Variants in MAPK10 observed in about 807,000 individuals in gnomAD.
The protein encoded by MAPK10 is JNK3 alpha protein kinase.
A neutral mutation model predicts 59.3 loss-of-function variants in MAPK10; 25 were observed. The ratio of observed to expected loss-of-function variants is 0.42; its 90% CI spans 0.31 to 0.59. The LOEUF (loss-of-function observed/expected upper bound fraction) is 0.59, where lower values mean the gene tolerates loss of function less well. MAPK10 is among the 20% of genes least tolerant of loss of function. MAPK10 has a pLI of 0.15. For missense variants in MAPK10, 351 were observed against 568.9 expected (o/e 0.62, Z 3.90); for synonymous variants, 190 against 200.5 (o/e 0.95, Z 0.44).
chr4:86,035,602 GAC>G (rs963935476), intron 11 of MAPK10, among the ~76,000 whole-genome samples: 4 of 151,766 alleles, frequency 2.6e-5, no homozygotes, highest in African/African-American at 9.7e-5. Context: ...GTGAACGAAA[GAC>G]ACAGATTCAG....
At chr4:86,425,408 T>G (rs1747140736) in intron 1 of MAPK10, among the ~76,000 whole-genome samples, 1 of 149,860 alleles carries the variant, frequency 6.7e-6, no homozygotes, top group South Asian at 2.1e-4. Flanking sequence ...ATAAAATGAC[T>G]CCAGGTAATT....
intron 1 of MAPK10, among the ~76,000 whole-genome samples, chr4:86,520,403 T>C (rs923814001): frequency 6.0e-4 from 92 of 152,318 alleles, no homozygotes; most frequent in Non-Finnish European, 2.1e-4. Flanking sequence ...TTGATTCTAT[T>C]GTTGAAATTT....
chr4:86,505,042 T>C (rs1386639432), intron 1 of MAPK10, among the ~76,000 whole-genome samples: 1 of 152,120 alleles, frequency 6.6e-6, no homozygotes, highest in African/African-American at 2.4e-5. Context: ...TTTTTCATAC[T>C]AGTCAAAGTG....
chr4:86,037,577 A>G (rs2040600321), intron 11 of MAPK10, among the ~76,000 whole-genome samples: 1 of 152,108 alleles, frequency 6.6e-6, no homozygotes, highest in African/African-American at 2.4e-5. Flanking sequence ...CATATATATA[A>G]GTAATATTCA....
At chr4:86,360,060 T>A, upstream of MAPK10, 1 of 985,818 alleles carries the variant, frequency 1.0e-6, no homozygotes, top group Non-Finnish European at 1.2e-6. Flanking sequence ...TTGTGGAACC[T>A]ACCAGAGGAG....
intron 2 of MAPK10, among the ~76,000 whole-genome samples, chr4:86,350,128 T>G (rs1730431148): frequency 6.6e-6 from 1 of 152,168 alleles, no homozygotes; most frequent in East Asian, 1.9e-4. Flanking sequence ...CTCGATTCAA[T>G]GCAACCTCTG....
rs1205578919 is a variant in MAPK10 at position 86,014,287 on chromosome 4, T to G, written c.*2941A>C. On this transcript the variant is annotated 3_prime_UTR_variant, in exon 14 of 14. Transcript: ENST00000641462. ...GTTCTTGGGAAATAACAGGTGACTA[T>G]TTAAGAAATATTTGGGGTGTGTGTG... The G allele has an allele frequency of 1.3e-5, 2 of 148,648 alleles. No homozygotes were observed. The highest frequency in any genetic ancestry group is 3.9e-4 in the East Asian group (2 of 5,084). The allele number at this position is 148,648 out of a possible 1,614,324, so 9.2% of individuals were successfully genotyped here. A position where few individuals can be genotyped will look rare whatever the true frequency, so the allele number is the denominator to read the frequency against.
intron 1 of MAPK10, among the ~76,000 whole-genome samples, chr4:86,509,867 G>A (rs1756085270): frequency 6.6e-6 from 1 of 152,086 alleles, no homozygotes; most frequent in Non-Finnish European, 1.5e-5. Context: ...ACTATCTAGT[G>A]ACTGAAATTC....
intron 4 of MAPK10, among the ~76,000 whole-genome samples, chr4:86,142,241 T>C (rs1303201481): frequency 6.6e-6 from 1 of 152,140 alleles, no homozygotes; most frequent in Non-Finnish European, 1.5e-5. Context: ...AGTACCTACC[T>C]CAGAGAGGTA....
At chr4:86,315,041 A>G (rs1175089163) in intron 2 of MAPK10, among the ~76,000 whole-genome samples, 4 of 152,194 alleles carry the variant, frequency 2.6e-5, no homozygotes, top group Non-Finnish European at 5.9e-5. Flanking sequence ...GCTATTATAC[A>G]TTACAATAGA....
intron 9 of MAPK10, among the ~76,000 whole-genome samples, chr4:86,071,715 T>C (rs2048022761): frequency 6.6e-6 from 1 of 151,450 alleles, no homozygotes; most frequent in Non-Finnish European, 1.5e-5. Flanking sequence ...TATGCGGCGT[T>C]ATTTCTGAGG....
intron 13 of MAPK10, among the ~76,000 whole-genome samples, chr4:86,021,955 G>C (rs887016011): frequency 6.6e-6 from 1 of 152,214 alleles, no homozygotes; most frequent in Non-Finnish European, 1.5e-5. Context: ...GCCCGCAAGC[G>C]CCGCACGCGG....
At chr4:86,072,168 T>A (rs2048165894) in intron 9 of MAPK10, among the ~76,000 whole-genome samples, 1 of 151,164 alleles carries the variant, frequency 6.6e-6, no homozygotes, top group South Asian at 2.1e-4. Flanking sequence ...TGAATGGGAG[T>A]TCACTCTTGA....
intron 2 of MAPK10, among the ~76,000 whole-genome samples, chr4:86,343,310 T>C (rs1726123734): frequency 6.6e-6 from 1 of 152,170 alleles, no homozygotes; most frequent in South Asian, 2.1e-4. Flanking sequence ...CTTATGAAAG[T>C]ACATCCCTCT....
intron 9 of MAPK10, among the ~76,000 whole-genome samples, chr4:86,077,849 A>C (rs566573356): frequency 6.6e-6 from 1 of 152,344 alleles, no homozygotes; most frequent in South Asian, 2.1e-4. Context: ...ACAGCTGTTT[A>C]GGCACAATGT....
intron 2 of MAPK10, among the ~76,000 whole-genome samples, chr4:86,349,069 G>T (rs192928144): frequency 6.6e-6 from 1 of 152,284 alleles, no homozygotes; most frequent in Non-Finnish European, 1.5e-5. Context: ...ACAACAGTTT[G>T]TTTAGGAAAG....
At chr4:86,505,587 TAA>T (rs576518924) in intron 1 of MAPK10, among the ~76,000 whole-genome samples, 2 of 150,066 alleles carry the variant, frequency 1.3e-5, no homozygotes, top group African/African-American at 4.9e-5. Context: ...ACCCTGTTTT[TAA>T]AAAAAAAAGT....
intron 1 of MAPK10, among the ~76,000 whole-genome samples, chr4:86,382,277 A>T (rs1380486052): frequency 6.6e-6 from 1 of 151,644 alleles, no homozygotes. Flanking sequence ...GAGAGGCATA[A>T]CTCCTTACCC....
Position 86,014,306 on chromosome 4 carries a change from GTGTGTGTGTGTGTGTGTGTGTGTGT to G in MAPK10, c.*2897_*2921del. 1 of 67,192 alleles carries G rather than the reference GTGTGTGTGTGTGTGTGTGTGTGTGT, an allele frequency of 1.5e-5. No homozygotes were observed. The highest frequency in any genetic ancestry group is 1.4e-4 in the Admixed American group (1 of 7,218). The allele number at this position is 67,192 out of a possible 1,614,324, so 4.2% of individuals were successfully genotyped here. A position where few individuals can be genotyped will look rare whatever the true frequency, so the allele number is the denominator to read the frequency against. On this transcript the variant is annotated 3_prime_UTR_variant, in exon 14 of 14. Transcript: ENST00000641462. Reference sequence around the variant, plus strand: ...TGACTATTTAAGAAATATTTGGGGTGTGTGTGTGTGTGTGTGTGTGTGTGTGTGTGTGTGTGTGTTAAGACAGACA... The same window carrying G: ...TGACTATTTAAGAAATATTTGGGGTGGTGTGTGTGTGTGTTAAGACAGACA...
Sources: gnomAD v4.1 joint callset for allele counts (sites outside exome capture counted in the v4.1 genomes callset) on GRCh38, gnomAD v4.1.1 for gene constraint, MANE v1.5 for transcripts, NCBI Gene and HGNC (gene_info 2026-07-23, HGNC 2026-07-21) for gene names.